The following NEURL4 variants were observed in gnomAD, a reference collection of about 807,000 sequenced individuals.
The protein encoded by NEURL4 is neuralized E3 ubiquitin protein ligase 4, also known as neuralized-like protein 4.
In NEURL4, 45 loss-of-function variants were observed where a neutral mutation model predicts 148.0. That is an observed-to-expected ratio of 0.30 (90% CI 0.24 to 0.39). The LOEUF (loss-of-function observed/expected upper bound fraction) is 0.39, where lower values mean the gene tolerates loss of function less well. Among genes scored for constraint, NEURL4 ranks in the 10% least tolerant of loss-of-function variants. The pLI, the probability that NEURL4 is intolerant of heterozygous loss-of-function variation, is 1.00. For missense variants in NEURL4, 1,776 were observed against 2,144.0 expected (o/e 0.83, Z 3.39); for synonymous variants, 854 against 869.0 (o/e 0.98, Z 0.30).
rs752994725 is a variant in NEURL4 at position 7,326,985 on chromosome 17, T to C, written c.818A>G (p.Glu273Gly). Residue 273 changes from glutamate (E) to glycine (G), a missense_variant, in exon 4 of 29, where the codon GAG (glutamate) becomes GGG (glycine). Transcript: ENST00000399464. The surrounding 1 kb of genome is among the most constrained non-coding windows in gnomAD (Gnocchi z 6.0). The stretch of plus-strand genomic sequence containing the variant: ...AGACAGGATGGTGTTGCTCACCACC[T>C]CAGACAGCTCCATGTTGGCAAAGTC... ...HNDFANMELS[E>G]VVSNTILSAY... The C allele has an allele frequency of 2.5e-6, 4 of 1,612,058 alleles. No individual in the cohort carries two copies. Among genetic ancestry groups the C allele is most frequent in the Non-Finnish European group, 3.4e-6 (4 of 1,179,994 alleles).
At position 7,324,897 on chromosome 17, in the gene NEURL4, T is replaced by C. The variant is rs1332066296; in HGVS notation, c.1715A>G (p.Lys572Arg). The change falls in exon 9 of 29, where the codon AAG (lysine) becomes AGG (arginine). Residue 572 changes from lysine to arginine, a missense_variant. By Grantham distance (26) the Lys-to-Arg change is conservative. Transcript: ENST00000399464. This position sits in a 1 kb window ranked among gnomAD's most constrained non-coding sequence, Gnocchi z 5.9. Reference sequence around the variant, plus strand: ...GGAGCCAGCCCATTTGTCCACCATCTTGTCGATGCGCACCTGGAACACCTC... The same window carrying C: ...GGAGCCAGCCCATTTGTCCACCATCCTGTCGATGCGCACCTGGAACACCTC... The part of the protein sequence containing the change: ...DGEVFQVRID[K>R]MVDKWAGSIE... The C allele has an allele frequency of 1.2e-6, 2 of 1,614,100 alleles. No homozygotes were observed. Among genetic ancestry groups the C allele is most frequent in the African/African-American group, 1.3e-5 (1 of 74,936 alleles).
chr17:7,321,198 A>C lies in NEURL4; in HGVS notation c.3274T>G (p.Ser1092Ala). The change falls in exon 20 of 29, where the codon TCA (serine) becomes GCA (alanine). Residue 1092 changes from serine to alanine, a missense_variant. Ser to Ala is a moderately conservative substitution (Grantham distance 99, BLOSUM62 1). Coordinates refer to ENST00000399464, the MANE Select transcript of NEURL4 (RefSeq NM_032442.3). The surrounding 1 kb of genome is among the most constrained non-coding windows in gnomAD (Gnocchi z 6.3). Reference protein sequence around the residue: ...SIVSSTRLEESEGTQPPSPSS... With the variant: ...SIVSSTRLEEAEGTQPPSPSS... ...GGGGAAGGAGGCTGGGTGCCTTCTGACTCCTCCAGTCTCGTGGAACTGACA... is the reference window on the plus strand; with the variant it reads ...GGGGAAGGAGGCTGGGTGCCTTCTGCCTCCTCCAGTCTCGTGGAACTGACA... 6.2e-7 allele frequency: 1 copy of C among 1,612,512 alleles called. No individual in the cohort carries two copies. The highest frequency in any genetic ancestry group is 8.5e-7 in the Non-Finnish European group (1 of 1,179,690).
In NEURL4 at chr17:7,323,113, T is replaced by C. The variant is rs1264688941; in HGVS notation, c.2428A>G (p.Ile810Val). The C allele has an allele frequency of 9.3e-6, 15 of 1,612,168 alleles. No homozygotes were observed. Among genetic ancestry groups the C allele is most frequent in the Non-Finnish European group, 1.2e-5 (14 of 1,178,762 alleles). The change falls in exon 15 of 29, where the codon ATC (isoleucine) becomes GTC (valine). Residue 810 changes from isoleucine (I) to valine (V), a missense_variant. Physicochemically the swap from Ile to Val is conservative, Grantham distance 29. Coordinates refer to ENST00000399464, the MANE Select transcript of NEURL4 (RefSeq NM_032442.3). ...CGCATCGTGTTACCGTCTTGCATGATGGCTGTACCACTGGGGGGATGGCAG... is the reference window on the plus strand; with the variant it reads ...CGCATCGTGTTACCGTCTTGCATGACGGCTGTACCACTGGGGGGATGGCAG... ...YDTWMLSGTA[I>V]MQDGNTMRNN... is the part of the protein sequence containing the mutation.
chr17:7,327,385 C>T lies in NEURL4; in HGVS notation c.727+55G>A. The T allele has an allele frequency of 6.8e-7, 1 of 1,479,828 alleles. No homozygotes were observed. Among genetic ancestry groups the T allele is most frequent in the Non-Finnish European group, 9.1e-7 (1 of 1,093,570 alleles). 91.7% of individuals were successfully genotyped at this position (1,479,828 alleles called of 1,614,324 possible). ...CCCACACCCAGCCTGTCTTGTCACT[C>T]TATTTCCCCCATTCCGTCCCCACCC... On this transcript the variant is annotated intron_variant, in intron 2 of 28. Coordinates refer to ENST00000399464, the MANE Select transcript of NEURL4 (RefSeq NM_032442.3). This position sits in a 1 kb window ranked among gnomAD's most constrained non-coding sequence, Gnocchi z 6.6.
chr17:7,317,179 C>A, intron 28 of NEURL4, 26 bp downstream of exon 28: 1 of 1,451,040 alleles, frequency 6.9e-7, no homozygotes, highest in Non-Finnish European at 9.1e-7. Context: ...CCCTGGAAAT[C>A]TCTCCCCACC....
At position 7,324,367 on chromosome 17, in the gene NEURL4, C is replaced by T. The variant is rs113890960; in HGVS notation, c.1899+28G>A. 2 of 1,613,874 alleles carry T rather than the reference C, an allele frequency of 1.2e-6. No individual in the cohort carries two copies. Among genetic ancestry groups the T allele is most frequent in the Non-Finnish European group, 1.7e-6 (2 of 1,179,928 alleles). ...GCGGTGTTTGTGATGCCCGCTGCGG[C>T]CGCCAGGCGGCGCACCCACTTTCCC... On this transcript the variant is annotated intron_variant, in intron 10 of 28. Coordinates refer to ENST00000399464, the MANE Select transcript of NEURL4 (RefSeq NM_032442.3). This position sits in a 1 kb window ranked among gnomAD's most constrained non-coding sequence, Gnocchi z 5.9.
chr17:7,320,623 C>A (rs1360802138), intron 21 of NEURL4, 136 bp downstream of exon 21: 10 of 728,210 alleles, frequency 1.4e-5, no homozygotes, highest in Non-Finnish European at 2.0e-5. Flanking sequence ...TCATTACAGG[C>A]TATGAATAAA....
In NEURL4 at chr17:7,329,332, G is replaced by C. The variant is rs1331630060; in HGVS notation, c.-20C>G. On this transcript the variant is annotated 5_prime_UTR_variant, in exon 1 of 29. Transcript: ENST00000399464. ...CGCCATCTCCGCTGACACCGGGGCA[G>C]CGCGACAGCCGCGCTTGGCGGCACC... 7.3e-7 allele frequency: 1 copy of C among 1,372,592 alleles called. No individual in the cohort carries two copies. Among genetic ancestry groups the C allele is most frequent in the African/African-American group, 1.5e-5 (1 of 64,928 alleles). 85.0% of individuals were successfully genotyped at this position (1,372,592 alleles called of 1,614,324 possible). A position where few individuals can be genotyped will look rare whatever the true frequency, so the allele number is the denominator to read the frequency against.
rs373481816 is a variant in NEURL4 at position 7,327,049 on chromosome 17, G to T, written c.794-40C>A. ...TGGAAGAAGGAAGCTCGGAAGTTGG[G>T]ATGAGGCTCTACACCCCCAGACCTG... is the stretch of plus-strand genomic sequence containing the variant. On this transcript the variant is annotated intron_variant, in intron 3 of 28. Transcript: ENST00000399464. This position sits in a 1 kb window ranked among gnomAD's most constrained non-coding sequence, Gnocchi z 6.6. 1.7e-5 allele frequency: 27 copies of T among 1,603,928 alleles called. No individual in the cohort carries two copies. Among genetic ancestry groups the T allele is most frequent in the Non-Finnish European group, 2.3e-5 (27 of 1,178,566 alleles).
rs1247917080 is a variant in NEURL4, at chr17:7,317,320, C to G, written c.4369G>C (p.Gly1457Arg). Reference protein sequence around the residue: ...CRPLKGEPGVGFEEPGENCAP... With the variant: ...CRPLKGEPGVRFEEPGENCAP... ...CAGTTCTCGCCAGGCTCCTCGAACC[C>G]TACCCCAGGTTCTCCCTTCAAAGGA... is the stretch of plus-strand genomic sequence containing the variant. The change falls in exon 28 of 29, where the codon GGG becomes CGG. Residue 1457 changes from glycine to arginine, a missense_variant. Gly to Arg is a moderately radical substitution (Grantham distance 125). Transcript: ENST00000399464. The G allele has an allele frequency of 2.6e-6, 4 of 1,542,140 alleles. No individual in the cohort carries two copies. In the East Asian group the frequency reaches 9.0e-5, roughly 35 times the overall value.
Position 7,327,241 on chromosome 17 carries a change from G to T in NEURL4, c.728-11C>A. ...GGGACACCATGAAGGCTGGGGACCA[G>T]GTGGGATGGGAGGGGAATAAGGGTT... On this transcript the variant is annotated splice_polypyrimidine_tract_variant and intron_variant, in intron 2 of 28. Coordinates refer to ENST00000399464, the MANE Select transcript of NEURL4 (RefSeq NM_032442.3). This position sits in a 1 kb window ranked among gnomAD's most constrained non-coding sequence, Gnocchi z 6.6. 1 of 1,603,390 alleles carries T rather than the reference G, an allele frequency of 6.2e-7. No individual in the cohort carries two copies.
Position 7,326,175 on chromosome 17 carries a change from C to G in NEURL4, c.1293+80G>C. On this transcript the variant is annotated intron_variant, in intron 6 of 28. Transcript: ENST00000399464. The surrounding 1 kb of genome is among the most constrained non-coding windows in gnomAD (Gnocchi z 6.0). ...ACTGCCTCTAGGTCACATAGGAGACCCTGCTTGGTGCCCTGGCAGGGACAC... is the reference window on the plus strand; with the variant it reads ...ACTGCCTCTAGGTCACATAGGAGACGCTGCTTGGTGCCCTGGCAGGGACAC... The G allele has an allele frequency of 7.2e-7, 1 of 1,384,734 alleles. No individual in the cohort carries two copies. The highest frequency in any genetic ancestry group is 1.2e-5 in the South Asian group (1 of 82,684). 85.8% of individuals were successfully genotyped at this position (1,384,734 alleles called of 1,614,324 possible).
Position 7,316,185 on chromosome 17 carries a change from C to G in NEURL4, c.4627G>C (p.Glu1543Gln), listed in dbSNP as rs756350294. ...PDPHFSPAEL[E>Q]WVTKEKGATL... ...GCCCCCTTCTCCTTAGTGACCCACT[C>G]AAGTTCGGCTGGACTGAAGTGAGGG... Residue 1543 changes from glutamate to glutamine, a missense_variant, in exon 29 of 29, where the codon GAG becomes CAG. By Grantham distance (29) the Glu-to-Gln change is conservative. Coordinates refer to ENST00000399464, the MANE Select transcript of NEURL4 (RefSeq NM_032442.3). 1.1e-5 allele frequency: 17 copies of G among 1,609,372 alleles called. No homozygotes were observed. The highest frequency in any genetic ancestry group is 1.4e-5 in the Non-Finnish European group (16 of 1,175,680).
In NEURL4 at chr17:7,325,480, C is replaced by T. The variant is rs1344959405; in HGVS notation, c.1367-7G>A. ...GTCAAGGGGGTTGCCACTCCTGTGG[C>T]AGGAAGGTACGGGGGTGTGGGAGTG... On this transcript the variant is annotated splice_region_variant and splice_polypyrimidine_tract_variant and intron_variant, in intron 7 of 28. Coordinates refer to ENST00000399464, the MANE Select transcript of NEURL4 (RefSeq NM_032442.3). 3 of 1,609,488 alleles carry T rather than the reference C, an allele frequency of 1.9e-6. No individual in the cohort carries two copies. Among genetic ancestry groups the T allele is most frequent in the South Asian group, 2.2e-5 (2 of 91,034 alleles).
Position 7,316,067 on chromosome 17 carries a change from C to T in NEURL4, c.*56G>A, listed in dbSNP as rs1162571614. ...GGGAATGAGGTGGAGGCAGTCGCCA[C>T]TCAGAGTCCATGGGCCCGCGGCCCG... On this transcript the variant is annotated 3_prime_UTR_variant, in exon 29 of 29. Transcript: ENST00000399464. 5.3e-6 allele frequency: 5 copies of T among 950,896 alleles called. No homozygotes were observed. Among genetic ancestry groups the T allele is most frequent in the Middle Eastern group, 2.3e-4 (1 of 4,338 alleles). 58.9% of individuals were successfully genotyped at this position (950,896 alleles called of 1,614,324 possible).
chr17:7,327,984 C>G lies in NEURL4; in HGVS notation c.283-100G>C. 1 of 906,608 alleles carries G rather than the reference C, an allele frequency of 1.1e-6. No homozygotes were observed. The highest frequency in any genetic ancestry group is 1.6e-6 in the Non-Finnish European group (1 of 611,614). 56.2% of individuals were successfully genotyped at this position (906,608 alleles called of 1,614,324 possible). A position where few individuals can be genotyped will look rare whatever the true frequency, so the allele number is the denominator to read the frequency against. ...CTCAGACAGCTAGCTGGCTTTCTGT[C>G]TCTTGGAACACTAATCCAGAGATGC... On this transcript the variant is annotated intron_variant, in intron 1 of 28. Coordinates refer to ENST00000399464, the MANE Select transcript of NEURL4 (RefSeq NM_032442.3). This position sits in a 1 kb window ranked among gnomAD's most constrained non-coding sequence, Gnocchi z 6.6.
Position 7,322,558 on chromosome 17 carries a change from A to G in NEURL4, c.2725+177T>C, listed in dbSNP as rs932223629. Among the ~76,000 whole-genome samples, 1 of 152,150 alleles carries G rather than the reference A, an allele frequency of 6.6e-6. No homozygotes were observed. The highest frequency in any genetic ancestry group is 1.5e-5 in the Non-Finnish European group (1 of 68,004). ...GTGGCAGGGAAGTGTCCAGGCTCTA[A>G]GTACCAGGTGTAACCTCCCCCTCAC... is the stretch of plus-strand genomic sequence containing the variant. On this transcript the variant is annotated intron_variant, in intron 16 of 28. Coordinates refer to ENST00000399464, the MANE Select transcript of NEURL4 (RefSeq NM_032442.3). The surrounding 1 kb of genome is among the most constrained non-coding windows in gnomAD (Gnocchi z 5.5).
chr17:7,317,487 A>T lies in NEURL4; in HGVS notation c.4292T>A (p.Val1431Glu). The T allele has an allele frequency of 6.2e-7, 1 of 1,613,734 alleles. No individual in the cohort carries two copies. The highest frequency in any genetic ancestry group is 8.5e-7 in the Non-Finnish European group (1 of 1,179,934). Residue 1431 changes from valine (V) to glutamate (E), a missense_variant, in exon 27 of 29, where the codon GTG becomes GAG. Transcript: ENST00000399464. ...TGCTCCCAGCTCCCCTCGGTCCAGC[A>T]CTCTCCGTACAGCGGCAACATTGCT... Reference protein sequence around the residue: ...HGSNVAAVRRVLDRGELGAGT... With the variant: ...HGSNVAAVRRELDRGELGAGT...
chr17:7,316,328 C>G lies in NEURL4; in HGVS notation c.4485-1G>C. On this transcript the variant is annotated splice_acceptor_variant, in intron 28 of 28. Transcript: ENST00000399464. LOFTEE classifies it high-confidence loss of function. ...CCGCTGGGATTTGGGGTCCCGGAAT[C>G]TGTCAGACAAGAAAAAATAAGGGAG... 1.9e-6 allele frequency: 3 copies of G among 1,611,366 alleles called. No homozygotes were observed. Among genetic ancestry groups the G allele is most frequent in the Non-Finnish European group, 2.5e-6 (3 of 1,179,152 alleles).
Sources: allele counts gnomAD v4.1 joint callset (sites outside exome capture counted in the v4.1 genomes callset), GRCh38; gene constraint gnomAD v4.1.1; non-coding constraint Gnocchi (gnomAD v3.1); transcripts MANE v1.5; gene names NCBI Gene and HGNC (gene_info 2026-07-23, HGNC 2026-07-21).